The following GPC5 variants were observed in gnomAD, a reference collection of about 807,000 sequenced individuals.
GPC5 encodes glypican 5.
GPC5 carries 47 observed loss-of-function variants against 53.9 expected under a neutral mutation model. That is an observed-to-expected ratio of 0.87 (90% CI 0.69 to 1.11). The LOEUF is 1.11. Ranked by LOEUF, GPC5 falls within the 50% of genes most tolerant of loss-of-function variation. The probability of loss-of-function intolerance (pLI) is 0.00; values close to 1 mark genes in which losing one functional copy is unlikely to be tolerated. For missense variants in GPC5, 748 were observed against 713.1 expected, an observed-to-expected ratio of 1.05 and a Z score of -0.56; for synonymous variants, 286 against 263.3, an observed-to-expected ratio of 1.09 and a Z score of -0.84.
chr13:92,354,045 T>A (rs2043502174), intron 7 of GPC5, among the ~76,000 whole-genome samples: 2 of 152,344 alleles, frequency 1.3e-5, no homozygotes, highest in African/African-American at 4.8e-5. Flanking sequence ...TTTGCCACTT[T>A]TTCCATGCAT....
intron 7 of GPC5, among the ~76,000 whole-genome samples, chr13:92,678,677 G>A (rs17299543): frequency 0.064 from 9,724 of 152,140 alleles, 723 homozygotes; most frequent in East Asian, 0.31. Flanking sequence ...ATGTCATCGT[G>A]GAGATTTCTA....
At chr13:91,596,676 G>T (rs1447176172) in intron 2 of GPC5, among the ~76,000 whole-genome samples, 1 of 151,814 alleles carries the variant, frequency 6.6e-6, no homozygotes, top group Non-Finnish European at 1.5e-5. Context: ...CTTCTGGGTG[G>T]GACAAGAATT....
intron 6 of GPC5, among the ~76,000 whole-genome samples, chr13:91,958,279 GAA>G (rs59523811): frequency 1.1e-4 from 15 of 141,262 alleles, no homozygotes; most frequent in Admixed American, 7.7e-4. Flanking sequence ...ACTGTAAAAA[GAA>G]AAAAAAAAAG....
intron 2 of GPC5, among the ~76,000 whole-genome samples, chr13:91,598,367 A>G (rs978257014): frequency 2.6e-5 from 4 of 152,040 alleles, no homozygotes; most frequent in Non-Finnish European, 5.9e-5. Context: ...ATAAACAAAT[A>G]TAACATGTTT....
chr13:91,687,997 C>T (rs536724683), intron 2 of GPC5, among the ~76,000 whole-genome samples: 2 of 152,050 alleles, frequency 1.3e-5, no homozygotes, highest in African/African-American at 4.8e-5. Context: ...ATGTCTATTA[C>T]GTTTTTGGAG....
In GPC5 at chr13:91,908,011, A is replaced by C. The variant is rs2039573752; in HGVS notation, c.1355A>C (p.Asp452Ala). Residue 452 changes from aspartate to alanine, a missense_variant, in exon 6 of 8, where the codon GAT becomes GCT. Physicochemically the swap from Asp to Ala is moderately radical, Grantham distance 126. Coordinates refer to ENST00000377067, the MANE Select transcript of GPC5 (RefSeq NM_004466.6). ...GNPEVKVKGI[D>A]PVINQIIDKL... ...CCTGAAGTCAAAGTCAAAGGAATTGATCCTGTGATAAATCAGATTATTGAT... is the reference window on the plus strand; with the variant it reads ...CCTGAAGTCAAAGTCAAAGGAATTGCTCCTGTGATAAATCAGATTATTGAT... 6.3e-7 allele frequency: 1 copy of C among 1,593,882 alleles called. No individual in the cohort carries two copies. The highest frequency in any genetic ancestry group is 8.5e-7 in the Non-Finnish European group (1 of 1,177,208).
chr13:92,628,264 C>CTGTTTTTTTT (rs1885114961), intron 7 of GPC5, among the ~76,000 whole-genome samples: 5 of 45,338 alleles, frequency 1.1e-4, no homozygotes, highest in Non-Finnish European at 1.7e-4. Context: ...CTTTTTCTTT[C>CTGTTTTTTTT]TTTTTTTTTT....
chr13:91,800,391 G>A (rs541163956), intron 5 of GPC5, among the ~76,000 whole-genome samples: 11 of 151,910 alleles, frequency 7.2e-5, no homozygotes, highest in Non-Finnish European at 1.5e-4. Context: ...AAAGAAACAT[G>A]CACCAAAATC....
intron 2 of GPC5, among the ~76,000 whole-genome samples, chr13:91,572,058 T>TATGC (rs2031894417): frequency 1.4e-5 from 2 of 144,724 alleles, no homozygotes; most frequent in African/African-American, 5.2e-5. Flanking sequence ...CATATGTATA[T>TATGC]ATACATGTAT....
At chr13:92,285,642 A>T (rs983103818) in intron 7 of GPC5, among the ~76,000 whole-genome samples, 5 of 152,248 alleles carry the variant, frequency 3.3e-5, no homozygotes, top group Non-Finnish European at 7.3e-5. Context: ...CAATGGGGAA[A>T]GGATTCCCTA....
intron 2 of GPC5, among the ~76,000 whole-genome samples, chr13:91,628,718 T>C (rs1233537473): frequency 6.6e-6 from 1 of 152,186 alleles, no homozygotes; most frequent in Non-Finnish European, 1.5e-5. Context: ...TAAATAACAA[T>C]AAGATAATAA....
intron 7 of GPC5, among the ~76,000 whole-genome samples, chr13:92,650,777 T>C (rs1173533267): frequency 2.0e-5 from 3 of 152,194 alleles, no homozygotes; most frequent in Non-Finnish European, 4.4e-5. Context: ...ATTTTTCTTT[T>C]AGGGTTTCCT....
At chr13:92,269,457 G>A (rs2042825167) in intron 7 of GPC5, among the ~76,000 whole-genome samples, 1 of 151,994 alleles carries the variant, frequency 6.6e-6, no homozygotes. Flanking sequence ...CCAGGCTGGA[G>A]TGCAGCAGCA....
intron 2 of GPC5, among the ~76,000 whole-genome samples, chr13:91,650,750 G>GTTTTGTTTTTTTTTTTTTTTTTTT (rs1555333961): frequency 4.0e-5 from 4 of 99,642 alleles, no homozygotes; most frequent in African/African-American, 1.6e-4. Flanking sequence ...ATTCCCATAA[G>GTTTTGTTTTTTTTTTTTTTTTTTT]TTTTTTTTTT....
At chr13:92,704,071 G>A (rs1887859623) in intron 7 of GPC5, among the ~76,000 whole-genome samples, 2 of 151,950 alleles carry the variant, frequency 1.3e-5, no homozygotes, top group South Asian at 2.1e-4. Context: ...AGTAATTCTG[G>A]CTGGATGACA....
chr13:91,436,335 TTTCCC>T (rs1879953508), intron 1 of GPC5, among the ~76,000 whole-genome samples: 1 of 151,920 alleles, frequency 6.6e-6, no homozygotes, highest in Non-Finnish European at 1.5e-5. Flanking sequence ...GTGCTATAAA[TTTCCC>T]TCTACACACT....
intron 2 of GPC5, among the ~76,000 whole-genome samples, chr13:91,473,555 ATCT>A (rs1182686397): frequency 2.6e-5 from 4 of 152,110 alleles, no homozygotes; most frequent in African/African-American, 7.2e-5. Flanking sequence ...GTTGTACCAA[ATCT>A]TCTTAGTTAT....
intron 6 of GPC5, among the ~76,000 whole-genome samples, chr13:92,010,727 T>A (rs917924431): frequency 6.6e-6 from 1 of 152,152 alleles, no homozygotes; most frequent in Non-Finnish European, 1.5e-5. Context: ...AAGAGAATGG[T>A]CATCTCTTGT....
chr13:91,428,497 G>A (rs1477728686), intron 1 of GPC5, among the ~76,000 whole-genome samples: 1 of 152,098 alleles, frequency 6.6e-6, no homozygotes, highest in Non-Finnish European at 1.5e-5. Flanking sequence ...GACCAATCAG[G>A]GGCTGCGTGC....
Sources: allele counts gnomAD v4.1 joint callset (sites outside exome capture counted in the v4.1 genomes callset), GRCh38; gene constraint gnomAD v4.1.1; transcripts MANE v1.5; gene names NCBI Gene and HGNC (gene_info 2026-07-23, HGNC 2026-07-21).